ALKBH3: variants seen among roughly 807,000 people sequenced by gnomAD.
The protein encoded by ALKBH3 is alpha-ketoglutarate-dependent dioxygenase alkB homolog 3.
In ALKBH3, 51 loss-of-function variants were observed where a neutral mutation model predicts 43.9. That is an observed-to-expected ratio of 1.16 (90% confidence interval 0.93 to 1.47). The LOEUF is 1.47. Ranked by LOEUF, ALKBH3 falls within the 40% of genes most tolerant of loss-of-function variation. The probability of loss-of-function intolerance (pLI) is 0.00; values close to 1 mark genes in which losing one functional copy is unlikely to be tolerated. For missense variants in ALKBH3, 361 were observed against 351.9 expected (o/e 1.03, Z -0.21); for synonymous variants, 102 against 115.2 (o/e 0.89, Z 0.73).
chr11:43,914,021 G>C (rs769989610), intron 8 of ALKBH3, among the ~76,000 whole-genome samples: 2 of 152,194 alleles, frequency 1.3e-5, no homozygotes, highest in Non-Finnish European at 2.9e-5. Flanking sequence ...GCAGGCCCCT[G>C]GTTCTGCATG....
At chr11:43,882,896 G>T in intron 2 of ALKBH3, 165 bp downstream of exon 2, 1 of 899,274 alleles carries the variant, frequency 1.1e-6, no homozygotes, top group Non-Finnish European at 1.7e-6. Context: ...TGAGCTAAGG[G>T]TGGGTCTTTA....
At chr11:43,902,779 G>T (rs7946400) in intron 8 of ALKBH3, among the ~76,000 whole-genome samples, 127,891 of 152,210 alleles carry the variant, frequency 0.84, 54,470 homozygotes, top group East Asian at 0.98. Flanking sequence ...GTATTTTTAG[G>T]AGAGATGGGG....
chr11:43,894,501 C>A (rs1951804774), intron 7 of ALKBH3, among the ~76,000 whole-genome samples: 2 of 152,226 alleles, frequency 1.3e-5, no homozygotes, highest in Admixed American at 6.5e-5. Flanking sequence ...AGTTCATTAT[C>A]CCCTTTTTTC....
intron 8 of ALKBH3, among the ~76,000 whole-genome samples, chr11:43,912,766 A>G (rs1426370355): frequency 6.6e-6 from 1 of 152,204 alleles, no homozygotes; most frequent in East Asian, 1.9e-4. Flanking sequence ...AAATCTTAAT[A>G]TATTAAACAA....
chr11:43,918,909 A>C (rs1180442469), intron 8 of ALKBH3, 129 bp from the exon 9 acceptor site: 23 of 679,210 alleles, frequency 3.4e-5, no homozygotes, highest in Non-Finnish European at 5.1e-5. Context: ...CTGCCAAATG[A>C]CAGAGCTATA....
chr11:43,904,932 C>T (rs1431953386), intron 8 of ALKBH3, among the ~76,000 whole-genome samples: 1 of 152,084 alleles, frequency 6.6e-6, no homozygotes, highest in Non-Finnish European at 1.5e-5. Context: ...ATTTTCATGT[C>T]TGTCACCGAG....
intron 7 of ALKBH3, among the ~76,000 whole-genome samples, chr11:43,896,070 C>T (rs1951816323): frequency 6.6e-6 from 1 of 152,110 alleles, no homozygotes; most frequent in African/African-American, 2.4e-5. Flanking sequence ...GGCAGACCGA[C>T]TGTGGTTATT....
chr11:43,895,275 A>G (rs1161351070), intron 7 of ALKBH3, among the ~76,000 whole-genome samples: 1 of 152,220 alleles, frequency 6.6e-6, no homozygotes, highest in East Asian at 1.9e-4. Context: ...CCGTGTATCA[A>G]GGGCAGGGCC....
chr11:43,883,204 T>A lies in ALKBH3; in HGVS notation c.183+16T>A. The A allele has an allele frequency of 6.3e-7, 1 of 1,596,756 alleles. No individual in the cohort carries two copies. Among genetic ancestry groups the A allele is most frequent in the South Asian group, 1.1e-5 (1 of 89,162 alleles). On this transcript the variant is annotated intron_variant, in intron 3 of 9. Transcript: ENST00000302708. ...ACCTCAGCAGGTAAATTCATGGTTT[T>A]TTCTTCAATAGTGATAAAAATTTGC...
chr11:43,900,945 G>C (rs1051271406), intron 7 of ALKBH3, among the ~76,000 whole-genome samples: 2 of 152,172 alleles, frequency 1.3e-5, no homozygotes, highest in African/African-American at 4.8e-5. Flanking sequence ...CTTTAGAAAA[G>C]AATGTTTTTA....
At chr11:43,899,240 G>T in intron 7 of ALKBH3, 1 of 738,602 alleles carries the variant, frequency 1.4e-6, no homozygotes, top group East Asian at 2.6e-5. Context: ...CTACAGCATG[G>T]TGGAATTGCC....
chr11:43,910,850 G>A (rs1267884554), intron 8 of ALKBH3, among the ~76,000 whole-genome samples: 1 of 151,910 alleles, frequency 6.6e-6, no homozygotes, highest in Non-Finnish European at 1.5e-5. Flanking sequence ...CCATTACCCA[G>A]ATGTCAGGTA....
At chr11:43,897,230 C>T (rs544336865) in intron 7 of ALKBH3, 1 of 539,282 alleles carries the variant, frequency 1.9e-6, no homozygotes, top group African/African-American at 1.9e-5. Flanking sequence ...GAAGTCAGCA[C>T]CTGTTAGTGG....
intron 4 of ALKBH3, among the ~76,000 whole-genome samples, chr11:43,886,393 C>T (rs1951746517): frequency 3.3e-5 from 5 of 152,050 alleles, no homozygotes; most frequent in Admixed American, 3.3e-4. Flanking sequence ...GTTTTTGTCT[C>T]CATGGCCTGA....
intron 4 of ALKBH3, among the ~76,000 whole-genome samples, chr11:43,884,293 A>C (rs1275465268): frequency 6.6e-6 from 1 of 152,084 alleles, no homozygotes; most frequent in Non-Finnish European, 1.5e-5. Flanking sequence ...GTAGACAGTA[A>C]GCTAAACCTC....
At position 43,882,659 on chromosome 11, in the gene ALKBH3, GA is replaced by G; in HGVS notation, c.13del (p.Arg5AspfsTer58). ...AGAAGCCTTTTTGGTCAACATGGAG[GA>G]AAAAAGACGGCGAGCCCGAGTTCAG... The part of the protein sequence containing the change: ME[E>X]KRRRARVQGA... On this transcript the variant is annotated frameshift_variant, in exon 2 of 10. Transcript: ENST00000302708. LOFTEE classifies it high-confidence loss of function. 2 of 1,613,016 alleles carry G rather than the reference GA, an allele frequency of 1.2e-6. No individual in the cohort carries two copies. Among genetic ancestry groups the G allele is most frequent in the Non-Finnish European group, 1.7e-6 (2 of 1,179,700 alleles).
chr11:43,905,465 G>C (rs137871835), intron 8 of ALKBH3, among the ~76,000 whole-genome samples: 103 of 151,132 alleles, frequency 6.8e-4, no homozygotes, highest in Non-Finnish European at 1.3e-3. Context: ...ACTGTCCTGT[G>C]GTCCAAGTCT....
intron 7 of ALKBH3, 37 bp downstream of exon 7, chr11:43,892,166 A>C: frequency 6.7e-7 from 1 of 1,499,598 alleles, no homozygotes; most frequent in African/African-American, 1.4e-5. Flanking sequence ...GGTTTTATAG[A>C]CTATATACTA....
intron 4 of ALKBH3, among the ~76,000 whole-genome samples, chr11:43,885,550 G>C (rs373223783): frequency 1.6e-4 from 25 of 152,326 alleles, no homozygotes; most frequent in Non-Finnish European, 3.5e-4. Flanking sequence ...GTCTCTCTCT[G>C]AGAAGGATCT....
Sources: allele counts gnomAD v4.1 joint callset (sites outside exome capture counted in the v4.1 genomes callset), GRCh38; gene constraint gnomAD v4.1.1; transcripts MANE v1.5; gene names NCBI Gene and HGNC (gene_info 2026-07-23, HGNC 2026-07-21).